PRKAR2A: variants seen among roughly 807,000 people sequenced by gnomAD.
The protein encoded by PRKAR2A is protein kinase cAMP-dependent type II regulatory subunit alpha.
In PRKAR2A, 29 loss-of-function variants were observed where a neutral mutation model predicts 51.9. That is an observed-to-expected ratio of 0.56 (90% CI 0.42 to 0.76). The LOEUF (loss-of-function observed/expected upper bound fraction) is 0.76, where lower values mean the gene tolerates loss of function less well. Among genes scored for constraint, PRKAR2A ranks in the 30% least tolerant of loss-of-function variants. PRKAR2A has a pLI of 0.00. For missense variants in PRKAR2A, 445 were observed against 512.1 expected (o/e 0.87, Z 1.26); for synonymous variants, 178 against 186.2 (o/e 0.96, Z 0.36).
At chr3:48,751,818 G>C in intron 10 of PRKAR2A, 100 bp from the exon 11 acceptor site, 1 of 1,377,632 alleles carries the variant, frequency 7.3e-7, no homozygotes, top group Admixed American at 2.4e-5. Context: ...ATGAGATTAC[G>C]CCTTGGGACA....
Position 48,770,613 on chromosome 3 carries a change from G to T in PRKAR2A, c.696+2342C>A, listed in dbSNP as rs566248210. Among the ~76,000 whole-genome samples the T allele has an allele frequency of 3.9e-5, 6 of 152,256 alleles. No homozygotes were observed. The East Asian group carries it at 1.2e-3, about 29-fold the overall frequency. On this transcript the variant is annotated intron_variant, in intron 6 of 10. Coordinates refer to ENST00000265563, the MANE Select transcript of PRKAR2A (RefSeq NM_004157.4). ...GTCAATTAACAGGAGAAAAGTAGAGGCCAAAAGGATATCTTGATAGGTCAC... is the reference window on the plus strand; with the variant it reads ...GTCAATTAACAGGAGAAAAGTAGAGTCCAAAAGGATATCTTGATAGGTCAC...
At position 48,756,461 on chromosome 3, in the gene PRKAR2A, G is replaced by T. The variant is rs758768327; in HGVS notation, c.874-17C>A. The T allele has an allele frequency of 1.3e-4, 203 of 1,603,210 alleles. No homozygotes were observed. Among genetic ancestry groups the T allele is most frequent in the Non-Finnish European group, 1.6e-4 (191 of 1,170,470 alleles). On this transcript the variant is annotated splice_polypyrimidine_tract_variant and intron_variant, in intron 8 of 10. Transcript: ENST00000265563. ...CTTTTCACCCTGAAAGAAAAGAGAG[G>T]TCAGGTCAGAGCCATAAGTAGTATT... is the stretch of plus-strand genomic sequence containing the variant.
At chr3:48,781,796 C>T (rs1243443126) in intron 5 of PRKAR2A, among the ~76,000 whole-genome samples, 2 of 152,110 alleles carry the variant, frequency 1.3e-5, no homozygotes, top group Non-Finnish European at 2.9e-5. Flanking sequence ...CAGGCATGAG[C>T]CACTGCGACT....
intron 1 of PRKAR2A, among the ~76,000 whole-genome samples, chr3:48,832,560 T>C (rs922347374): frequency 3.3e-5 from 5 of 152,022 alleles, no homozygotes; most frequent in African/African-American, 1.2e-4. Context: ...GAATATACAA[T>C]ATACAAGAAC....
At position 48,787,940 on chromosome 3, in the gene PRKAR2A, G is replaced by T. The variant is rs547900226; in HGVS notation, c.435+2604C>A. Reference sequence around the variant, plus strand: ...GGGTAACAGAGGAAATCTAATTCCAGCCTTCCTGTCTCTGCACATTCTGGG... The same window carrying T: ...GGGTAACAGAGGAAATCTAATTCCATCCTTCCTGTCTCTGCACATTCTGGG... On this transcript the variant is annotated intron_variant, in intron 4 of 10. Transcript: ENST00000265563. Among the ~76,000 whole-genome samples the T allele has an allele frequency of 2.0e-5, 3 of 152,302 alleles. No homozygotes were observed. The South Asian group carries it at 6.2e-4, about 32-fold the overall frequency.
chr3:48,787,432 C>T (rs1381981414), intron 4 of PRKAR2A, among the ~76,000 whole-genome samples: 1 of 152,218 alleles, frequency 6.6e-6, no homozygotes, highest in Non-Finnish European at 1.5e-5. Context: ...ATGATCCTCC[C>T]TCCTTGGCTT....
intron 1 of PRKAR2A, among the ~76,000 whole-genome samples, chr3:48,813,246 A>AAG (rs1312702041): frequency 6.6e-6 from 1 of 151,810 alleles, no homozygotes; most frequent in East Asian, 1.9e-4. Context: ...AAAAAAAAAA[A>AAG]AAAAAAAATT....
In PRKAR2A at chr3:48,765,166, A is replaced by T. The variant is rs185993187; in HGVS notation, c.798+82T>A. On this transcript the variant is annotated intron_variant, in intron 7 of 10. Coordinates refer to ENST00000265563, the MANE Select transcript of PRKAR2A (RefSeq NM_004157.4). ...AGCACAGAAATAGGATTAGAATAGT[A>T]TGATTTGAAAACCTAACAACAGAAT... 5.8e-6 allele frequency: 9 copies of T among 1,544,366 alleles called. No homozygotes were observed. In the African/African-American group the frequency reaches 1.2e-4, roughly 21 times the overall value.
At chr3:48,791,629 G>T (rs1409818542) in intron 3 of PRKAR2A, among the ~76,000 whole-genome samples, 1 of 148,982 alleles carries the variant, frequency 6.7e-6, no homozygotes, top group Non-Finnish European at 1.5e-5. Context: ...GGGCATGGTG[G>T]CTCACTCCTG....
chr3:48,839,637 T>C (rs1326414230), intron 1 of PRKAR2A, among the ~76,000 whole-genome samples: 3 of 152,174 alleles, frequency 2.0e-5, no homozygotes, highest in African/African-American at 7.2e-5. Context: ...CTAGTAAGTT[T>C]TTTGACTCTT....
In PRKAR2A at chr3:48,830,953, G is replaced by A. The variant is rs542172802; in HGVS notation, c.262+16382C>T. ...ATCTGACAGGAGATGGAGCTCAGGC[G>A]GTAATACAAGCAAGGGAAGTAGCTA... On this transcript the variant is annotated intron_variant, in intron 1 of 10. Transcript: ENST00000265563. Among the ~76,000 whole-genome samples, 437 of 152,208 alleles carry A rather than the reference G, an allele frequency of 2.9e-3. 4 individuals are homozygous for A. The highest frequency in any genetic ancestry group is 9.9e-3 in the African/African-American group (411 of 41,536).
intron 1 of PRKAR2A, among the ~76,000 whole-genome samples, chr3:48,810,710 T>C (rs2107370088): frequency 6.6e-6 from 1 of 152,304 alleles, no homozygotes; most frequent in Non-Finnish European, 1.5e-5. Context: ...TATATATGTA[T>C]ATGTGCATAT....
At chr3:48,769,797 CAG>C (rs1223106641) in intron 6 of PRKAR2A, among the ~76,000 whole-genome samples, 4 of 151,244 alleles carry the variant, frequency 2.6e-5, no homozygotes, top group African/African-American at 9.7e-5. Flanking sequence ...TTTTTTGAGA[CAG>C]AGTCTCACTC....
chr3:48,767,630 A>G (rs961333173), intron 6 of PRKAR2A, among the ~76,000 whole-genome samples: 2 of 152,124 alleles, frequency 1.3e-5, no homozygotes, highest in Non-Finnish European at 2.9e-5. Context: ...ACTCTATTTA[A>G]AACACAAAAA....
chr3:48,813,841 G>A (rs1009190453), intron 1 of PRKAR2A, among the ~76,000 whole-genome samples: 5 of 152,028 alleles, frequency 3.3e-5, no homozygotes, highest in African/African-American at 1.2e-4. Flanking sequence ...AGGAAAGTGG[G>A]GCCAGGATGT....
chr3:48,775,166 C>T (rs990823150), intron 5 of PRKAR2A, among the ~76,000 whole-genome samples: 3 of 151,984 alleles, frequency 2.0e-5, no homozygotes, highest in African/African-American at 4.8e-5. Context: ...AGGTCGGGCA[C>T]GGTGGCTCAA....
intron 1 of PRKAR2A, among the ~76,000 whole-genome samples, chr3:48,821,708 G>C (rs1053382084): frequency 8.6e-5 from 12 of 139,428 alleles, no homozygotes; most frequent in Admixed American, 1.5e-4. Context: ...GCGAGGTCAG[G>C]AGTTTGAGAC....
At chr3:48,798,941 G>A (rs978735018) in intron 2 of PRKAR2A, among the ~76,000 whole-genome samples, 4 of 152,280 alleles carry the variant, frequency 2.6e-5, no homozygotes, top group South Asian at 2.1e-4. Context: ...GATTACAGGC[G>A]TAAGCCCTCG....
In PRKAR2A at chr3:48,747,939, T is replaced by C. The variant is rs1004130701; in HGVS notation, c.*3646A>G. 2 of 152,234 alleles carry C rather than the reference T, an allele frequency of 1.3e-5. No homozygotes were observed. Among genetic ancestry groups the C allele is most frequent in the African/African-American group, 4.8e-5 (2 of 41,448 alleles). 9.4% of individuals were successfully genotyped at this position (152,234 alleles called of 1,614,324 possible). On this transcript the variant is annotated 3_prime_UTR_variant, in exon 11 of 11. Transcript: ENST00000265563. ...TTGGCATGCCACCTTTGATTCCCCA[T>C]GCTGCAAAAAGAATTGGAACGCTGT... is the stretch of plus-strand genomic sequence containing the variant.
Sources: allele counts gnomAD v4.1 joint callset (sites outside exome capture counted in the v4.1 genomes callset), GRCh38; gene constraint gnomAD v4.1.1; transcripts MANE v1.5; gene names NCBI Gene and HGNC (gene_info 2026-07-23, HGNC 2026-07-21).